Variants in ANO4 observed in about 807,000 individuals in gnomAD.
ANO4 encodes the protein anoctamin 4.
Under a neutral mutation model 141.9 loss-of-function variants are expected in ANO4, and 69 were observed. That is an observed-to-expected ratio of 0.49 (90% CI 0.40 to 0.59). ANO4 has a LOEUF of 0.59. Among genes scored for constraint, ANO4 ranks in the 20% least tolerant of loss-of-function variants. The pLI is 0.00. For synonymous variants in ANO4, 350 were observed against 394.3 expected (o/e 0.89, Z 1.33); for missense variants, 894 against 1,162.2 (o/e 0.77, Z 3.36).
intron 1 of ANO4, among the ~76,000 whole-genome samples, chr12:100,803,560 A>G (rs1228588150): frequency 6.6e-6 from 1 of 152,170 alleles, no homozygotes; most frequent in Non-Finnish European, 1.5e-5. Context: ...GCAAGCCTTT[A>G]GTCAATACTT....
intron 1 of ANO4, among the ~76,000 whole-genome samples, chr12:100,796,684 C>T (rs2135639630): frequency 6.6e-6 from 1 of 151,852 alleles, no homozygotes; most frequent in Non-Finnish European, 1.5e-5. Context: ...CTTGGCTTAG[C>T]TGTTCTAATA....
At chr12:100,799,502 G>C (rs980642692) in intron 1 of ANO4, among the ~76,000 whole-genome samples, 7 of 152,154 alleles carry the variant, frequency 4.6e-5, no homozygotes, top group Non-Finnish European at 8.8e-5. Context: ...CCAGCACTTT[G>C]GTAGGCCGAG....
intron 8 of ANO4, among the ~76,000 whole-genome samples, chr12:101,019,680 G>C (rs1325414616): frequency 1.3e-5 from 2 of 152,178 alleles, no homozygotes; most frequent in African/African-American, 4.8e-5. Context: ...TGAGGTAGGA[G>C]AGAAGAGGAG....
intron 5 of ANO4, among the ~76,000 whole-genome samples, chr12:100,966,172 A>G (rs2043645140): frequency 6.6e-6 from 1 of 152,138 alleles, no homozygotes; most frequent in Non-Finnish European, 1.5e-5. Context: ...TTATAATTTG[A>G]GTGAGTAGGA....
intron 9 of ANO4, among the ~76,000 whole-genome samples, chr12:101,028,385 G>C (rs2046831214): frequency 6.6e-6 from 1 of 152,168 alleles, no homozygotes; most frequent in Non-Finnish European, 1.5e-5. Flanking sequence ...ACTCCACTGA[G>C]CTCTAGGAGC....
At chr12:100,876,933 C>T (rs532824447) in intron 1 of ANO4, among the ~76,000 whole-genome samples, 14 of 151,978 alleles carry the variant, frequency 9.2e-5, no homozygotes, top group African/African-American at 3.1e-4. Flanking sequence ...CTTGGTTGTT[C>T]GGGATCTAAA....
chr12:100,893,311 T>G (rs1415998683), intron 1 of ANO4, among the ~76,000 whole-genome samples: 1 of 152,030 alleles, frequency 6.6e-6, no homozygotes, highest in Non-Finnish European at 1.5e-5. Flanking sequence ...ATTTTCACCT[T>G]ATGGAGACCA....
At chr12:101,044,246 T>C (rs1339687539) in intron 13 of ANO4, among the ~76,000 whole-genome samples, 1 of 152,206 alleles carries the variant, frequency 6.6e-6, no homozygotes, top group East Asian at 1.9e-4. Flanking sequence ...ACAGGAAATA[T>C]GTGTCCTCTC....
chr12:100,736,879 A>G (rs1183201692), intron 2 of ANO4, among the ~76,000 whole-genome samples: 1 of 152,134 alleles, frequency 6.6e-6, no homozygotes, highest in Non-Finnish European at 1.5e-5. Flanking sequence ...CATGGAACAG[A>G]TTCTCCTCTA....
intron 5 of ANO4, among the ~76,000 whole-genome samples, chr12:100,963,242 G>C (rs146387500): frequency 6.6e-6 from 1 of 152,184 alleles, no homozygotes; most frequent in East Asian, 1.9e-4. Flanking sequence ...GCTAATAGGT[G>C]ACATCTAAAC....
intron 1 of ANO4, among the ~76,000 whole-genome samples, chr12:100,892,053 A>G (rs1370259035): frequency 6.6e-6 from 1 of 152,198 alleles, no homozygotes; most frequent in Non-Finnish European, 1.5e-5. Flanking sequence ...AGGTTCATCC[A>G]TATTATTGCA....
At chr12:101,036,988 G>T in intron 9 of ANO4, 107 bp from the exon 10 acceptor site, 1 of 1,104,464 alleles carries the variant, frequency 9.1e-7, no homozygotes, top group Middle Eastern at 2.1e-4. Context: ...TAAGAGGGTT[G>T]ATAGCCTAGA....
chr12:100,793,175 G>T (rs1489814134), upstream of ANO4, among the ~76,000 whole-genome samples: 1 of 152,214 alleles, frequency 6.6e-6, no homozygotes, highest in Admixed American at 6.5e-5. Context: ...TAGCCCTGAT[G>T]CATAATTGAT....
intron 3 of ANO4, among the ~76,000 whole-genome samples, chr12:100,765,710 C>A (rs942654176): frequency 3.3e-5 from 5 of 149,452 alleles, no homozygotes; most frequent in East Asian, 1.9e-4. Context: ...AAAAAGAGTT[C>A]TTAGATTGAT....
intron 2 of ANO4, among the ~76,000 whole-genome samples, chr12:100,917,372 T>C (rs1361103588): frequency 6.6e-6 from 1 of 152,222 alleles, no homozygotes; most frequent in Non-Finnish European, 1.5e-5. Flanking sequence ...CTTGCCTAGT[T>C]TTTCAAGTCT....
At position 101,097,889 on chromosome 12, in the gene ANO4, G is replaced by C. The variant is rs756765971; in HGVS notation, c.1950G>C (p.Met650Ile). The C allele has an allele frequency of 1.2e-6, 2 of 1,613,860 alleles. No individual in the cohort carries two copies. The highest frequency in any genetic ancestry group is 1.7e-6 in the Non-Finnish European group (2 of 1,179,830). The change falls in exon 21 of 28, where the codon ATG (methionine) becomes ATC (isoleucine). Residue 650 changes from methionine (M) to isoleucine (I), a missense_variant. By Grantham distance (10) the Met-to-Ile change is conservative. Transcript: ENST00000392977. ...SGCLIDLCMQ[M>I]GIIMVLKQTW... ...GCCTTATTGATCTGTGTATGCAAAT[G>C]GGTATTATAATGGTGCTAAAGCAGA...
chr12:100,768,466 C>T (rs1448976581), intron 3 of ANO4, among the ~76,000 whole-genome samples: 1 of 152,092 alleles, frequency 6.6e-6, no homozygotes, highest in Non-Finnish European at 1.5e-5. Flanking sequence ...TTGGGGGGAC[C>T]AGCACTGGAG....
At chr12:101,086,245 T>G (rs530528525) in intron 16 of ANO4, among the ~76,000 whole-genome samples, 2 of 152,096 alleles carry the variant, frequency 1.3e-5, no homozygotes, top group African/African-American at 2.4e-5. Flanking sequence ...GAAGGAAGAA[T>G]GGTGCCCAAA....
intron 9 of ANO4, among the ~76,000 whole-genome samples, chr12:101,026,844 G>A (rs939232532): frequency 2.0e-5 from 3 of 148,032 alleles, no homozygotes; most frequent in African/African-American, 7.3e-5. Context: ...TTAAATAAAA[G>A]CATAATTCAT....
Sources: gnomAD v4.1 joint callset for allele counts (sites outside exome capture counted in the v4.1 genomes callset) on GRCh38, gnomAD v4.1.1 for gene constraint, MANE v1.5 for transcripts, NCBI Gene and HGNC (gene_info 2026-07-23, HGNC 2026-07-21) for gene names.